CSMD3: variants seen among roughly 807,000 people sequenced by gnomAD.
CSMD3 encodes CUB and Sushi multiple domains 3, also known as CUB and sushi domain-containing protein 3.
In CSMD3, 177 loss-of-function variants were observed where a neutral mutation model predicts 435.2. The ratio of observed to expected loss-of-function variants is 0.41; its 90% CI spans 0.36 to 0.46. CSMD3 has a LOEUF of 0.46. Among genes scored for constraint, CSMD3 ranks in the 20% least tolerant of loss-of-function variants. The pLI, the probability that CSMD3 is intolerant of heterozygous loss-of-function variation, is 0.34. For synonymous variants in CSMD3, 1,656 were observed against 1,520.5 expected (o/e 1.09, Z -2.07); for missense variants, 4,265 against 4,504.6 (o/e 0.95, Z 1.52).
chr8:113,020,550 A>G (rs1185391661), intron 5 of CSMD3, among the ~76,000 whole-genome samples: 1 of 152,180 alleles, frequency 6.6e-6, no homozygotes, highest in Non-Finnish European at 1.5e-5. Context: ...AGAGTCTCCA[A>G]AGCAAGGCTA....
At chr8:113,288,995 A>T (rs926170185) in intron 2 of CSMD3, among the ~76,000 whole-genome samples, 3 of 151,720 alleles carry the variant, frequency 2.0e-5, no homozygotes, top group Non-Finnish European at 3.0e-5. Flanking sequence ...ATCTAATTAT[A>T]AAAAAACTCA....
intron 7 of CSMD3, among the ~76,000 whole-genome samples, chr8:112,957,980 A>G (rs866997385): frequency 1.3e-5 from 2 of 152,112 alleles, no homozygotes; most frequent in African/African-American, 4.8e-5. Context: ...CTTGACCTCA[A>G]ATGATCCACC....
chr8:112,962,201 T>C (rs1004785122), intron 7 of CSMD3, among the ~76,000 whole-genome samples: 1 of 151,844 alleles, frequency 6.6e-6, no homozygotes, highest in Non-Finnish European at 1.5e-5. Context: ...ATACAAGTGA[T>C]TTTCTTTTCT....
At chr8:112,949,932 C>G (rs2083748913) in intron 8 of CSMD3, among the ~76,000 whole-genome samples, 1 of 151,894 alleles carries the variant, frequency 6.6e-6, no homozygotes, top group Admixed American at 6.6e-5. Flanking sequence ...AAAATCCTAT[C>G]TAATATTCAA....
intron 5 of CSMD3, among the ~76,000 whole-genome samples, chr8:113,092,343 G>A (rs1290556824): frequency 6.6e-6 from 1 of 151,958 alleles, no homozygotes; most frequent in Non-Finnish European, 1.5e-5. Flanking sequence ...AAATACTAGT[G>A]AGTATTCATT....
At chr8:113,213,855 T>C (rs1232791777) in intron 3 of CSMD3, among the ~76,000 whole-genome samples, 1 of 152,084 alleles carries the variant, frequency 6.6e-6, no homozygotes, top group African/African-American at 2.4e-5. Flanking sequence ...AATTAGTCTT[T>C]CTTTTATTCA....
chr8:112,312,596 A>G (rs1053528829), intron 49 of CSMD3, among the ~76,000 whole-genome samples: 6 of 152,150 alleles, frequency 3.9e-5, no homozygotes, highest in Non-Finnish European at 7.4e-5. Context: ...TGATTGCATA[A>G]TAAATTATTT....
At chr8:112,908,808 T>G (rs1366290317) in intron 10 of CSMD3, among the ~76,000 whole-genome samples, 1 of 151,562 alleles carries the variant, frequency 6.6e-6, no homozygotes, top group Admixed American at 6.6e-5. Flanking sequence ...TTTCTCAGCA[T>G]GGTCTTTATG....
chr8:112,668,142 A>ATTTTG (rs1563832290), intron 16 of CSMD3, among the ~76,000 whole-genome samples: 2 of 152,132 alleles, frequency 1.3e-5, no homozygotes, highest in Non-Finnish European at 2.9e-5. Context: ...ATAGAATTTA[A>ATTTTG]TTTTGTTTCC....
intron 5 of CSMD3, among the ~76,000 whole-genome samples, chr8:113,066,581 A>C (rs1272400093): frequency 1.3e-5 from 2 of 152,122 alleles, no homozygotes; most frequent in Admixed American, 1.3e-4. Flanking sequence ...AGCTCTCAAT[A>C]CATCAGAGAA....
intron 13 of CSMD3, among the ~76,000 whole-genome samples, chr8:112,705,165 G>A (rs1396335096): frequency 6.6e-6 from 1 of 152,054 alleles, no homozygotes; most frequent in Non-Finnish European, 1.5e-5. Flanking sequence ...AGGCACTTGA[G>A]AACAGCAGAT....
intron 9 of CSMD3, among the ~76,000 whole-genome samples, chr8:112,939,351 A>T (rs2083380484): frequency 6.6e-6 from 1 of 152,078 alleles, no homozygotes; most frequent in Non-Finnish European, 1.5e-5. Flanking sequence ...CAAGGCAAAG[A>T]CAGGTAACCA....
chr8:112,301,675 T>C (rs1820935261), intron 53 of CSMD3, 118 bp downstream of exon 53: 1 of 774,144 alleles, frequency 1.3e-6, no homozygotes, highest in African/African-American at 1.8e-5. Flanking sequence ...TTTTCTGGTT[T>C]TTAACATACT....
At chr8:112,322,184 C>T (rs1343951377) in intron 45 of CSMD3, among the ~76,000 whole-genome samples, 1 of 152,006 alleles carries the variant, frequency 6.6e-6, no homozygotes, top group Non-Finnish European at 1.5e-5. Flanking sequence ...CATGCTAATC[C>T]TAAATTGTTT....
chr8:112,593,132 T>G (rs1179548490), intron 22 of CSMD3, among the ~76,000 whole-genome samples: 2 of 152,172 alleles, frequency 1.3e-5, no homozygotes, highest in African/African-American at 4.8e-5. Context: ...TGATACTAGT[T>G]AGAAGAACCA....
intron 10 of CSMD3, among the ~76,000 whole-genome samples, chr8:112,899,599 TTA>T (rs71309794): frequency 0.061 from 6,090 of 99,758 alleles, 156 homozygotes; most frequent in African/African-American, 0.065. Flanking sequence ...CTTGTCTATT[TTA>T]TATATATATA....
At chr8:112,988,646 C>T (rs2085339454) in intron 6 of CSMD3, among the ~76,000 whole-genome samples, 1 of 152,048 alleles carries the variant, frequency 6.6e-6, no homozygotes, top group Admixed American at 6.6e-5. Context: ...TGGTTCCTAA[C>T]TTTTACCAAC....
At position 112,645,308 on chromosome 8, in the gene CSMD3, G is replaced by A. The variant is rs924028764; in HGVS notation, c.3194-83C>T. On this transcript the variant is annotated intron_variant, in intron 19 of 70. Transcript: ENST00000297405. ...AAATCTCTATCTCCTCTCTTGAATT[G>A]AGCAGTCGCATTATCTTTGCTTATG... 11 of 817,486 alleles carry A rather than the reference G, an allele frequency of 1.3e-5. No homozygotes were observed. The African/African-American group carries it at 1.5e-4, about 11-fold the overall frequency. The allele number at this position is 817,486 out of a possible 1,614,324, so 50.6% of individuals were successfully genotyped here.
chr8:112,696,741 A>C (rs1252924164), intron 13 of CSMD3, among the ~76,000 whole-genome samples: 1 of 151,910 alleles, frequency 6.6e-6, no homozygotes. Context: ...TAATTAAACT[A>C]AAGAGCTTCT....
Sources: allele counts gnomAD v4.1 joint callset (sites outside exome capture counted in the v4.1 genomes callset), GRCh38; gene constraint gnomAD v4.1.1; transcripts MANE v1.5; gene names NCBI Gene and HGNC (gene_info 2026-07-23, HGNC 2026-07-21).